RPIA: variants seen among roughly 807,000 people sequenced by gnomAD.
RPIA encodes ribose 5-phosphate isomerase A.
In RPIA, 29 loss-of-function variants were observed where a neutral mutation model predicts 37.8. That is an observed-to-expected ratio of 0.77 (90% confidence interval 0.57 to 1.05). The LOEUF (loss-of-function observed/expected upper bound fraction) is 1.05, where lower values mean the gene tolerates loss of function less well. Among genes scored for constraint, RPIA ranks in the 50% least tolerant of loss-of-function variants. The pLI, the probability that RPIA is intolerant of heterozygous loss-of-function variation, is 0.00. For missense variants in RPIA, 385 were observed against 413.6 expected (o/e 0.93, Z 0.60); for synonymous variants, 167 against 157.0 (o/e 1.06, Z -0.48).
chr2:88,698,356 G>C, intron 1 of RPIA, 128 bp from the exon 2 acceptor site: 1 of 819,192 alleles, frequency 1.2e-6, no homozygotes, highest in Non-Finnish European at 2.1e-6. Context: ...AATAGGCACA[G>C]TACCTGTCTT....
intron 3 of RPIA, 67 bp downstream of exon 3, chr2:88,700,131 G>T: frequency 6.7e-7 from 1 of 1,484,598 alleles, no homozygotes; most frequent in Non-Finnish European, 9.4e-7. Flanking sequence ...CGGGGTTGTG[G>T]ACCTATGGCC....
At chr2:88,733,126 A>C (rs945645101) in intron 4 of RPIA, among the ~76,000 whole-genome samples, 1 of 152,170 alleles carries the variant, frequency 6.6e-6, no homozygotes, top group East Asian at 1.9e-4. Context: ...GAATTGGGCT[A>C]TAAAGGCCAG....
intron 1 of RPIA, 85 bp from the exon 2 acceptor site, chr2:88,698,399 A>G: frequency 8.2e-7 from 1 of 1,212,222 alleles, no homozygotes; most frequent in Non-Finnish European, 1.2e-6. Flanking sequence ...GTTCATAATA[A>G]TTTTATAGCT....
intron 3 of RPIA, among the ~76,000 whole-genome samples, chr2:88,714,074 A>G (rs1021275707): frequency 1.4e-4 from 22 of 152,002 alleles, no homozygotes; most frequent in African/African-American, 4.8e-4. Context: ...TGACAAGCAC[A>G]GTCATGTAAC....
chr2:88,732,829 G>T (rs965456936), intron 4 of RPIA, among the ~76,000 whole-genome samples: 1 of 150,682 alleles, frequency 6.6e-6, no homozygotes, highest in Admixed American at 6.7e-5. Context: ...GGAGACTGAT[G>T]TTGGTGAGGG....
intron 3 of RPIA, among the ~76,000 whole-genome samples, chr2:88,705,329 C>T (rs1672884450): frequency 6.6e-6 from 1 of 152,112 alleles, no homozygotes; most frequent in Non-Finnish European, 1.5e-5. Context: ...GTAACCAAAA[C>T]AATAACTAAA....
chr2:88,716,309 A>T (rs1001752899), intron 3 of RPIA, among the ~76,000 whole-genome samples: 4 of 152,136 alleles, frequency 2.6e-5, no homozygotes, highest in Non-Finnish European at 4.4e-5. Context: ...ATATTGATTG[A>T]TGTCTCATGT....
Sources: gnomAD v4.1 joint callset for allele counts (sites outside exome capture counted in the v4.1 genomes callset) on GRCh38, gnomAD v4.1.1 for gene constraint, MANE v1.5 for transcripts, NCBI Gene and HGNC (gene_info 2026-07-23, HGNC 2026-07-21) for gene names.